The following SPINK6 variants were observed in gnomAD, a reference collection of about 807,000 sequenced individuals.
The protein encoded by SPINK6 is serine protease inhibitor Kazal-type 6.
In SPINK6, 13 loss-of-function variants were observed where a neutral mutation model predicts 11.7. The observed-to-expected ratio is 1.11, with a 90% CI of 0.72 to 1.76. The LOEUF (loss-of-function observed/expected upper bound fraction) is 1.76. SPINK6 is among the 40% of genes most tolerant of loss of function. The pLI is 0.00. For missense variants in SPINK6, 98 were observed against 93.7 expected, an observed-to-expected ratio of 1.05 and a Z score of -0.19; for synonymous variants, 21 against 31.9, an observed-to-expected ratio of 0.66 and a Z score of 1.15.
chr5:148,214,133 G>C (rs560456837), intron 3 of SPINK6, 108 bp downstream of exon 3: 1 of 544,422 alleles, frequency 1.8e-6, no homozygotes, highest in East Asian at 3.1e-5. Context: ...TCCCCATAGA[G>C]ACTGAAGAAA....
At chr5:148,207,021 T>TGTG (rs1755508042) in intron 2 of SPINK6, among the ~76,000 whole-genome samples, 3 of 150,022 alleles carry the variant, frequency 2.0e-5, no homozygotes, top group Non-Finnish European at 4.4e-5. Flanking sequence ...GATGATGCAT[T>TGTG]TGTGTGTGTG....
At chr5:148,210,182 A>ATATG (rs774955238) in intron 2 of SPINK6, among the ~76,000 whole-genome samples, 2 of 20,620 alleles carry the variant, frequency 9.7e-5, no homozygotes, top group Non-Finnish European at 1.7e-3. Flanking sequence ...TTCTGCATGC[A>ATATG]TATGTATTTC....
chr5:148,213,899 T>A lies in SPINK6; in HGVS notation c.82-11T>A. On this transcript the variant is annotated splice_polypyrimidine_tract_variant and intron_variant, in intron 2 of 3. Coordinates refer to ENST00000325630, the MANE Select transcript of SPINK6 (RefSeq NM_205841.4). ...GCACTGATGTCAATGTCACTCTGCTTACTTTGGTAGGTTGACTGTGGTGAG... is the reference window on the plus strand; with the variant it reads ...GCACTGATGTCAATGTCACTCTGCTAACTTTGGTAGGTTGACTGTGGTGAG... 7.1e-7 allele frequency: 1 copy of A among 1,417,084 alleles called. No homozygotes were observed. The highest frequency in any genetic ancestry group is 1.4e-5 in the African/African-American group (1 of 72,754). 87.8% of individuals were successfully genotyped at this position (1,417,084 alleles called of 1,614,324 possible). A position where few individuals can be genotyped will look rare whatever the true frequency, so the allele number is the denominator to read the frequency against.
At chr5:148,205,437 T>C (rs1488745495) in intron 1 of SPINK6, among the ~76,000 whole-genome samples, 1 of 152,184 alleles carries the variant, frequency 6.6e-6, no homozygotes, top group Non-Finnish European at 1.5e-5. Flanking sequence ...AGACTATATA[T>C]ATGGGATCTT....
chr5:148,212,714 T>G (rs1755627700), intron 2 of SPINK6, among the ~76,000 whole-genome samples: 1 of 121,200 alleles, frequency 8.3e-6, no homozygotes, highest in African/African-American at 3.2e-5. Flanking sequence ...CAATATATAG[T>G]TTATATATTT....
chr5:148,212,594 A>C lies in SPINK6; in HGVS notation c.82-1316A>C, dbSNP rs1330713816. Among the ~76,000 whole-genome samples the C allele has an allele frequency of 3.8e-5, 4 of 105,758 alleles. No individual in the cohort carries two copies. In the Admixed American group the frequency reaches 5.4e-4, roughly 14 times the overall value. The allele number at this position is 105,758 out of a possible 152,430, so 69.4% of individuals were successfully genotyped here. Reference sequence around the variant, plus strand: ...ATTATATATTATATAAATATATTTTATATAATATATAATATATATTTATAT... The same window carrying C: ...ATTATATATTATATAAATATATTTTCTATAATATATAATATATATTTATAT... On this transcript the variant is annotated intron_variant, in intron 2 of 3. Coordinates refer to ENST00000325630, the MANE Select transcript of SPINK6 (RefSeq NM_205841.4).
intron 2 of SPINK6, among the ~76,000 whole-genome samples, chr5:148,207,658 C>A (rs1015672912): frequency 6.6e-6 from 1 of 152,110 alleles, no homozygotes; most frequent in African/African-American, 2.4e-5. Flanking sequence ...TGGTGAAACC[C>A]CATCTCTACT....
chr5:148,214,869 T>G (rs1175475923), intron 3 of SPINK6, 36 bp from the exon 4 acceptor site: 5 of 1,564,392 alleles, frequency 3.2e-6, no homozygotes, highest in Non-Finnish European at 4.4e-6. Context: ...ACTTACGATA[T>G]TGCACTGAGT....
chr5:148,203,178 A>C (rs760567464), intron 1 of SPINK6, 24 bp downstream of exon 1: 1 of 1,582,066 alleles, frequency 6.3e-7, no homozygotes, highest in South Asian at 1.1e-5. Flanking sequence ...TAAAATTAAG[A>C]TCCCATATTT....
chr5:148,210,947 T>C (rs1755589490), intron 2 of SPINK6, among the ~76,000 whole-genome samples: 1 of 152,196 alleles, frequency 6.6e-6, no homozygotes, highest in African/African-American at 2.4e-5. Flanking sequence ...TAGGTAGTGT[T>C]TGTCAGTAAT....
At chr5:148,212,548 T>G (rs13174068) in intron 2 of SPINK6, among the ~76,000 whole-genome samples, 1 of 112,524 alleles carries the variant, frequency 8.9e-6, no homozygotes, top group Non-Finnish European at 1.7e-5. Flanking sequence ...AAGTATATAT[T>G]TATATATTTA....
chr5:148,209,968 A>ACAAG (rs1376051662), intron 2 of SPINK6, among the ~76,000 whole-genome samples: 1 of 150,360 alleles, frequency 6.7e-6, no homozygotes, highest in Non-Finnish European at 1.5e-5. Flanking sequence ...GTATACATAC[A>ACAAG]TACGTACGTA....
chr5:148,211,826 G>A (rs1251935802), intron 2 of SPINK6, among the ~76,000 whole-genome samples: 1 of 152,180 alleles, frequency 6.6e-6, no homozygotes, highest in Non-Finnish European at 1.5e-5. Context: ...CCACGGGGCA[G>A]AGGAAGAAAA....
Position 148,214,890 on chromosome 5 carries a change from C to G in SPINK6, c.198-15C>G. The G allele has an allele frequency of 1.9e-6, 3 of 1,611,702 alleles. No individual in the cohort carries two copies. Among genetic ancestry groups the G allele is most frequent in the Non-Finnish European group, 2.5e-6 (3 of 1,178,176 alleles). Reference sequence around the variant, plus strand: ...GATATTGCACTGAGTATATATTTGTCTTTCTTTTTTGTAGGAAAAGTGGTG... The same window carrying G: ...GATATTGCACTGAGTATATATTTGTGTTTCTTTTTTGTAGGAAAAGTGGTG... On this transcript the variant is annotated splice_polypyrimidine_tract_variant and intron_variant, in intron 3 of 3. Transcript: ENST00000325630.
At position 148,215,066 on chromosome 5, in the gene SPINK6, G is replaced by A; in HGVS notation, c.*116G>A. ...TCATAAAGACATACCTACTCTGCCT[G>A]GGTCTTGAGGAGTTCAATGTATGTC... is the stretch of plus-strand genomic sequence containing the variant. On this transcript the variant is annotated 3_prime_UTR_variant, in exon 4 of 4. Transcript: ENST00000325630. 1 of 906,120 alleles carries A rather than the reference G, an allele frequency of 1.1e-6. No homozygotes were observed. Among genetic ancestry groups the A allele is most frequent in the Admixed American group, 2.3e-5 (1 of 42,604 alleles). 56.1% of individuals were successfully genotyped at this position (906,120 alleles called of 1,614,324 possible).
chr5:148,206,604 T>G (rs1003024555), intron 2 of SPINK6, among the ~76,000 whole-genome samples: 1 of 152,194 alleles, frequency 6.6e-6, no homozygotes, highest in South Asian at 2.1e-4. Context: ...GTAATGAGGA[T>G]ATACAGACTG....
At position 148,205,979 on chromosome 5, in the gene SPINK6, T is replaced by C. The variant is rs375724880; in HGVS notation, c.59-57T>C. The C allele has an allele frequency of 1.3e-4, 201 of 1,596,122 alleles. 1 individual carries two copies. The Admixed American group carries it at 1.7e-3, about 13-fold the overall frequency. Reference sequence around the variant, plus strand: ...ATTAGGAATTTCCTAATGTTGAAAATTTCACTTTTTGTACATCAATGAATT... The same window carrying C: ...ATTAGGAATTTCCTAATGTTGAAAACTTCACTTTTTGTACATCAATGAATT... On this transcript the variant is annotated intron_variant, in intron 1 of 3. Transcript: ENST00000325630.
chr5:148,203,138 T>C lies in SPINK6; in HGVS notation c.42T>C (p.Leu14=), dbSNP rs906450278. 9.9e-6 allele frequency: 16 copies of C among 1,612,042 alleles called. No individual in the cohort carries two copies. Among genetic ancestry groups the C allele is most frequent in the Non-Finnish European group, 1.4e-5 (16 of 1,179,520 alleles). ...TGTTTCTGCTCCTCTCTCTGGCTCT[T>C]TTCTGCTTTTTAACAGGTAAGTTTT... is the stretch of plus-strand genomic sequence containing the variant. ...SGMFLLLSLA[L]FCFLTGVFSQ... The change falls in exon 1 of 4, where the codon CTT becomes CTC. Residue 14 remains leucine (L), a synonymous_variant. Transcript: ENST00000325630.
At chr5:148,209,997 C>CACACGTACGTAT (rs1561732192) in intron 2 of SPINK6, among the ~76,000 whole-genome samples, 14 of 145,990 alleles carry the variant, frequency 9.6e-5, no homozygotes, top group Non-Finnish European at 1.8e-4. Context: ...TACATATACA[C>CACACGTACGTAT]GTATGTATAC....
Sources: allele counts gnomAD v4.1 joint callset (sites outside exome capture counted in the v4.1 genomes callset), GRCh38; gene constraint gnomAD v4.1.1; transcripts MANE v1.5; gene names NCBI Gene and HGNC (gene_info 2026-07-23, HGNC 2026-07-21).